The following IPO11 variants were observed in gnomAD, a reference collection of about 807,000 sequenced individuals.
IPO11 encodes the protein importin 11.
A neutral mutation model predicts 143.2 loss-of-function variants in IPO11; 66 were observed. The observed-to-expected ratio is 0.46, with a 90% CI of 0.38 to 0.57. The LOEUF is 0.57. Ranked by LOEUF, IPO11 falls within the 20% of genes least tolerant of loss-of-function variation. The pLI, the probability that IPO11 is intolerant of heterozygous loss-of-function variation, is 0.00. For synonymous variants in IPO11, 385 were observed against 377.8 expected, an observed-to-expected ratio of 1.02 and a Z score of -0.22; for missense variants, 1,026 against 1,141.0, an observed-to-expected ratio of 0.90 and a Z score of 1.45.
intron 7 of IPO11, among the ~76,000 whole-genome samples, chr5:62,473,075 T>G (rs1745838935): frequency 6.6e-6 from 1 of 152,214 alleles, no homozygotes; most frequent in South Asian, 2.1e-4. Context: ...CATTGTTCTG[T>G]TGTTACTTTT....
At chr5:62,496,895 C>T (rs963077666) in intron 16 of IPO11, among the ~76,000 whole-genome samples, 3 of 152,160 alleles carry the variant, frequency 2.0e-5, no homozygotes, top group African/African-American at 4.8e-5. Flanking sequence ...TATTGTCACA[C>T]GGCTATCAGA....
chr5:62,428,329 T>C (rs770845895), intron 1 of IPO11, among the ~76,000 whole-genome samples: 6 of 151,862 alleles, frequency 4.0e-5, no homozygotes, highest in Non-Finnish European at 7.4e-5. Context: ...ATGCCTGGCC[T>C]ATATAAGTCA....
chr5:62,457,374 C>T (rs904900437), intron 5 of IPO11, among the ~76,000 whole-genome samples: 1 of 151,750 alleles, frequency 6.6e-6, no homozygotes, highest in Non-Finnish European at 1.5e-5. Context: ...ATTCTGGTTA[C>T]TTGGGAGGCT....
chr5:62,504,518 T>G, intron 16 of IPO11, 149 bp from the exon 17 acceptor site: 1 of 530,402 alleles, frequency 1.9e-6, no homozygotes, highest in Non-Finnish European at 3.4e-6. Flanking sequence ...ATAAGGAGAG[T>G]ATCCCTTTAT....
chr5:62,447,956 C>T (rs1744778024), intron 3 of IPO11, among the ~76,000 whole-genome samples: 1 of 152,188 alleles, frequency 6.6e-6, no homozygotes, highest in Admixed American at 6.5e-5. Context: ...CTCAAGTGAT[C>T]TTCCTGCCTC....
chr5:62,569,183 G>C (rs576190615), intron 27 of IPO11, among the ~76,000 whole-genome samples: 4 of 152,310 alleles, frequency 2.6e-5, no homozygotes, highest in African/African-American at 9.6e-5. Flanking sequence ...AGGCAAAGCT[G>C]TCTGCAAACT....
intron 24 of IPO11, among the ~76,000 whole-genome samples, chr5:62,540,574 G>A (rs1742900070): frequency 6.6e-6 from 1 of 152,200 alleles, no homozygotes; most frequent in African/African-American, 2.4e-5. Flanking sequence ...CATTATTAGA[G>A]GGAGCGTAGC....
chr5:62,503,122 G>T (rs932445437), intron 16 of IPO11, among the ~76,000 whole-genome samples: 1 of 152,016 alleles, frequency 6.6e-6, no homozygotes, highest in Non-Finnish European at 1.5e-5. Context: ...ACTGTGCCTA[G>T]CCTTGATTTC....
At chr5:62,549,554 G>A (rs1177396782) in intron 24 of IPO11, among the ~76,000 whole-genome samples, 1 of 152,174 alleles carries the variant, frequency 6.6e-6, no homozygotes. Flanking sequence ...GCTTTACCCT[G>A]AGGCTGTTCC....
chr5:62,510,751 T>C (rs1267449527), intron 19 of IPO11, among the ~76,000 whole-genome samples: 3 of 152,266 alleles, frequency 2.0e-5, no homozygotes, highest in African/African-American at 7.2e-5. Flanking sequence ...GTTTTTGTTT[T>C]TTGAGATGGA....
chr5:62,420,152 G>T (rs1743454797), intron 1 of IPO11, among the ~76,000 whole-genome samples: 1 of 151,844 alleles, frequency 6.6e-6, no homozygotes. Flanking sequence ...TTAGCCAGGC[G>T]TGGTGGCACA....
chr5:62,592,957 A>G (rs917922321), intron 28 of IPO11, among the ~76,000 whole-genome samples: 22 of 152,220 alleles, frequency 1.4e-4, no homozygotes, highest in African/African-American at 5.3e-4. Context: ...ACACGACTGT[A>G]AATTGTATAC....
chr5:62,567,965 A>C (rs1744012648), intron 27 of IPO11, among the ~76,000 whole-genome samples: 1 of 148,306 alleles, frequency 6.7e-6, no homozygotes, highest in African/African-American at 2.5e-5. Context: ...TTCTCTTTTG[A>C]TTGATTGATT....
intron 24 of IPO11, among the ~76,000 whole-genome samples, chr5:62,548,813 G>A (rs1304629295): frequency 1.3e-5 from 2 of 152,096 alleles, no homozygotes; most frequent in Non-Finnish European, 2.9e-5. Flanking sequence ...ACTTGAGTCA[G>A]TTTCCTCTTG....
At chr5:62,565,793 C>A (rs908181851) in intron 27 of IPO11, among the ~76,000 whole-genome samples, 2 of 151,948 alleles carry the variant, frequency 1.3e-5, no homozygotes, top group South Asian at 2.1e-4. Context: ...CCTACCCCCC[C>A]AACTGGCCCT....
rs1185524825 is a variant in IPO11, at chr5:62,467,172, T to G, written c.558T>G (p.Asn186Lys). 6.2e-7 allele frequency: 1 copy of G among 1,612,476 alleles called. No individual in the cohort carries two copies. Among genetic ancestry groups the G allele is most frequent in the East Asian group, 2.2e-5 (1 of 44,864 alleles). ...GIYNFACSLWNHHTDTFLQEV... is the reference protein window; with the variant it reads ...GIYNFACSLWKHHTDTFLQEV... Reference sequence around the variant, plus strand: ...ATAATTTTGCCTGCTCTCTGTGGAATCACCACACAGACACATTCCTGCAAG... The same window carrying G: ...ATAATTTTGCCTGCTCTCTGTGGAAGCACCACACAGACACATTCCTGCAAG... Residue 186 changes from asparagine to lysine, a missense_variant, in exon 6 of 30, where the codon AAT (asparagine) becomes AAG (lysine). Around this residue, in one of 5 missense-constraint regions of IPO11, gnomAD observed 429 missense variants for 456.3 expected, o/e 0.94. Coordinates refer to ENST00000325324, the MANE Select transcript of IPO11 (RefSeq NM_016338.5).
chr5:62,467,907 G>A (rs1245184319), intron 6 of IPO11, among the ~76,000 whole-genome samples: 3 of 151,872 alleles, frequency 2.0e-5, no homozygotes, highest in African/African-American at 7.3e-5. Flanking sequence ...TCTTCTTTCT[G>A]TTCTGGTTGC....
intron 24 of IPO11, among the ~76,000 whole-genome samples, chr5:62,546,597 A>T (rs1261677437): frequency 2.7e-5 from 4 of 148,954 alleles, no homozygotes; most frequent in South Asian, 2.1e-4. Context: ...TGAAGTATAT[A>T]AAAAAAAAAC....
intron 24 of IPO11, among the ~76,000 whole-genome samples, chr5:62,539,980 C>T (rs969195056): frequency 1.3e-5 from 2 of 152,158 alleles, no homozygotes; most frequent in Admixed American, 1.3e-4. Flanking sequence ...ATTGCCATGT[C>T]ATTTTGATAT....
Sources: allele counts gnomAD v4.1 joint callset (sites outside exome capture counted in the v4.1 genomes callset), GRCh38; gene constraint gnomAD v4.1.1; regional missense constraint gnomAD v4.1.1; transcripts MANE v1.5; gene names NCBI Gene and HGNC (gene_info 2026-07-23, HGNC 2026-07-21).